RAD51B: variants seen among roughly 807,000 people sequenced by gnomAD.
RAD51B encodes DNA repair protein RAD51 homolog 2.
A neutral mutation model predicts 42.2 loss-of-function variants in RAD51B; 38 were observed. That is an observed-to-expected ratio of 0.90 (90% CI 0.70 to 1.18). RAD51B has a LOEUF of 1.18. RAD51B is among the 50% of genes most tolerant of loss of function. RAD51B has a pLI of 0.00. For missense variants in RAD51B, 373 were observed against 400.7 expected (o/e 0.93, Z 0.59); for synonymous variants, 154 against 145.2 (o/e 1.06, Z -0.43).
intron 3 of RAD51B, among the ~76,000 whole-genome samples, chr14:67,826,206 T>C (rs1201172349): frequency 1.3e-5 from 2 of 152,210 alleles, no homozygotes; most frequent in African/African-American, 4.8e-5. Flanking sequence ...TAAATTATAA[T>C]CTTAATTTTA....
exon 11 of RAD51B, chr14:68,594,589 C>A (rs1890910009): frequency 7.7e-7 from 1 of 1,295,806 alleles, no homozygotes; most frequent in South Asian, 1.2e-5. Flanking sequence ...CCACCATACC[C>A]AGCTAATTTT....
intron 7 of RAD51B, among the ~76,000 whole-genome samples, chr14:68,196,336 A>T (rs1300886248): frequency 6.6e-6 from 1 of 152,170 alleles, no homozygotes. Flanking sequence ...TGATAGGTTT[A>T]TATTATTTCC....
intron 4 of RAD51B, among the ~76,000 whole-genome samples, chr14:67,842,239 T>C (rs1456542365): frequency 6.6e-6 from 1 of 152,256 alleles, no homozygotes; most frequent in Non-Finnish European, 1.5e-5. Context: ...GCATTGATTT[T>C]GTAGCCTTCA....
At position 67,954,056 on chromosome 14, in the gene RAD51B, G is replaced by T. The variant is rs1011925735; in HGVS notation, c.756+66852G>T. Among the ~76,000 whole-genome samples, 16 of 152,266 alleles carry T rather than the reference G, an allele frequency of 1.1e-4. No individual in the cohort carries two copies. The East Asian group carries it at 3.1e-3, about 29-fold the overall frequency. ...ATTATTAGGAAGTCTCTCTTGAGGT[G>T]TGTGATCTTGTTTTACTCCAACTAC... On this transcript the variant is annotated intron_variant, in intron 7 of 10. Transcript: ENST00000471583.
chr14:68,177,965 A>G (rs1206430452), intron 7 of RAD51B, among the ~76,000 whole-genome samples: 2 of 152,178 alleles, frequency 1.3e-5, no homozygotes, highest in Admixed American at 6.5e-5. Context: ...AGCTCATCCA[A>G]GTAGGCAGAA....
At chr14:68,497,485 G>GTTT in intron 10 of RAD51B, 1 of 843,402 alleles carries the variant, frequency 1.2e-6, no homozygotes, top group Non-Finnish European at 1.5e-6. Context: ...GAACACATAG[G>GTTT]TTTTTTTTTT....
intron 7 of RAD51B, among the ~76,000 whole-genome samples, chr14:68,094,155 T>G (rs184446507): frequency 3.3e-5 from 5 of 152,394 alleles, no homozygotes; most frequent in Admixed American, 1.3e-4. Flanking sequence ...TGTGACGATT[T>G]AAGATTTCAT....
chr14:68,260,377 A>G (rs1285967886), intron 7 of RAD51B, among the ~76,000 whole-genome samples: 3 of 131,062 alleles, frequency 2.3e-5, no homozygotes, highest in Non-Finnish European at 5.0e-5. Context: ...CACAAGTTTC[A>G]TGGCTGACAC....
chr14:68,365,303 T>C (rs2083119209), intron 8 of RAD51B, among the ~76,000 whole-genome samples: 1 of 152,232 alleles, frequency 6.6e-6, no homozygotes, highest in Non-Finnish European at 1.5e-5. Flanking sequence ...TGTGAAGTGA[T>C]CTCTACCCAC....
At chr14:68,261,851 T>C (rs2080896842) in intron 7 of RAD51B, among the ~76,000 whole-genome samples, 1 of 151,524 alleles carries the variant, frequency 6.6e-6, no homozygotes, top group African/African-American at 2.4e-5. Context: ...AGAAAAGAGG[T>C]GAGACAGAAG....
chr14:67,984,731 C>T (rs1398685779), intron 7 of RAD51B, among the ~76,000 whole-genome samples: 3 of 152,116 alleles, frequency 2.0e-5, no homozygotes, highest in Admixed American at 2.0e-4. Context: ...TCTTTTGTGC[C>T]GAGCTGTCAG....
chr14:67,877,386 C>G (rs2042761204), intron 5 of RAD51B, among the ~76,000 whole-genome samples: 1 of 152,158 alleles, frequency 6.6e-6, no homozygotes, highest in East Asian at 1.9e-4. Flanking sequence ...CTCATATCCT[C>G]TTTCCACTGA....
At chr14:68,162,141 T>C (rs1469618579) in intron 7 of RAD51B, among the ~76,000 whole-genome samples, 1 of 152,244 alleles carries the variant, frequency 6.6e-6, no homozygotes, top group Non-Finnish European at 1.5e-5. Flanking sequence ...GAGAGCAGGA[T>C]TGAAATAATT....
At chr14:68,572,528 G>T (rs1889757906) in intron 10 of RAD51B, among the ~76,000 whole-genome samples, 1 of 152,212 alleles carries the variant, frequency 6.6e-6, no homozygotes, top group Non-Finnish European at 1.5e-5. Context: ...TTTTTACTCT[G>T]CTGGGGCCCA....
intron 7 of RAD51B, among the ~76,000 whole-genome samples, chr14:68,087,377 A>G (rs1166875596): frequency 6.6e-6 from 1 of 152,110 alleles, no homozygotes; most frequent in African/African-American, 2.4e-5. Context: ...CCCATTGTCA[A>G]AGTACCTCTA....
chr14:67,888,334 T>C (rs1217041932), intron 7 of RAD51B, among the ~76,000 whole-genome samples: 1 of 152,236 alleles, frequency 6.6e-6, no homozygotes, highest in African/African-American at 2.4e-5. Context: ...TTTGAAATAC[T>C]GTATAAAGAT....
chr14:68,126,688 A>T (rs576406463), intron 7 of RAD51B, among the ~76,000 whole-genome samples: 1 of 152,246 alleles, frequency 6.6e-6, no homozygotes, highest in East Asian at 1.9e-4. Context: ...ATCAAAATGG[A>T]TTCTTCTGCA....
rs187976256 is a variant in RAD51B, at chr14:67,844,551, G to A, written c.315+9355G>A. Among the ~76,000 whole-genome samples the A allele has an allele frequency of 3.3e-4, 49 of 150,278 alleles. No individual in the cohort carries two copies. The East Asian group carries it at 7.6e-3, about 23-fold the overall frequency. On this transcript the variant is annotated intron_variant, in intron 4 of 10. Transcript: ENST00000471583. ...GTTTGCTGCATATATAGGATAATTA[G>A]GTCTTTTTGTTGAATTGAATGCTTT...
chr14:67,931,546 A>G (rs1424047347), intron 7 of RAD51B, among the ~76,000 whole-genome samples: 1 of 130,410 alleles, frequency 7.7e-6, no homozygotes, highest in Admixed American at 9.0e-5. Flanking sequence ...CTTGTTGCCC[A>G]GGCTGGAGGG....
Sources: gnomAD v4.1 joint callset for allele counts (sites outside exome capture counted in the v4.1 genomes callset) on GRCh38, gnomAD v4.1.1 for gene constraint, MANE v1.5 for transcripts, NCBI Gene and HGNC (gene_info 2026-07-23, HGNC 2026-07-21) for gene names.